Variants in SNTG1 observed in about 807,000 individuals in gnomAD.
SNTG1 encodes the protein syntrophin gamma 1.
A neutral mutation model predicts 74.7 loss-of-function variants in SNTG1; 39 were observed. That is an observed-to-expected ratio of 0.52 (90% CI 0.40 to 0.68). SNTG1 has a LOEUF of 0.68. SNTG1 is among the 30% of genes least tolerant of loss of function. The pLI, the probability that SNTG1 is intolerant of heterozygous loss-of-function variation, is 0.00. For synonymous variants in SNTG1, 254 were observed against 217.1 expected (o/e 1.17, Z -1.49); for missense variants, 685 against 609.5 (o/e 1.12, Z -1.30).
intron 2 of SNTG1, among the ~76,000 whole-genome samples, chr8:50,378,296 A>C (rs2131206521): frequency 6.6e-6 from 1 of 152,304 alleles, no homozygotes; most frequent in Non-Finnish European, 1.5e-5. Context: ...GGCACCCAGA[A>C]GTTTGGAGAT....
At chr8:50,416,488 A>G (rs2093015424) in intron 4 of SNTG1, among the ~76,000 whole-genome samples, 1 of 152,146 alleles carries the variant, frequency 6.6e-6, no homozygotes, top group African/African-American at 2.4e-5. Context: ...TGTATTAAAC[A>G]ATAGTGGTGA....
rs150111785 is a variant in SNTG1 at position 50,612,154 on chromosome 8, C to A, written c.849+21237C>A. Among the ~76,000 whole-genome samples, 5 of 152,228 alleles carry A rather than the reference C, an allele frequency of 3.3e-5. 1 individual carries two copies. Among genetic ancestry groups the A allele is most frequent in the Non-Finnish European group, 7.4e-5 (5 of 68,014 alleles). On this transcript the variant is annotated intron_variant, in intron 13 of 18. Transcript: ENST00000642720. ...AACTTTACAGCAAATAAAATTAATG[C>A]CTAATATTGTATTTTGTAATCACCT...
At chr8:50,557,110 G>A (rs2094460221) in intron 12 of SNTG1, among the ~76,000 whole-genome samples, 1 of 151,908 alleles carries the variant, frequency 6.6e-6, no homozygotes, top group South Asian at 2.1e-4. Flanking sequence ...AAGTGGGGGT[G>A]GGCAAGGAGG....
At chr8:50,739,097 G>A (rs571244165) in intron 17 of SNTG1, among the ~76,000 whole-genome samples, 233 of 151,934 alleles carry the variant, frequency 1.5e-3, no homozygotes, top group African/African-American at 4.4e-3. Flanking sequence ...TCTGCACAGC[G>A]AAAGAGACTA....
At chr8:50,071,221 C>G (rs905567907) in intron 1 of SNTG1, among the ~76,000 whole-genome samples, 6 of 152,108 alleles carry the variant, frequency 3.9e-5, no homozygotes, top group African/African-American at 1.2e-4. Flanking sequence ...GTTTTTGAGA[C>G]AGAGTCTTGC....
upstream of SNTG1, chr8:49,910,925 C>G (rs1188259458): frequency 6.6e-6 from 1 of 152,324 alleles, no homozygotes; most frequent in Non-Finnish European, 1.5e-5. Flanking sequence ...CTAGCACTGC[C>G]CTGGGCCTCC....
intron 13 of SNTG1, among the ~76,000 whole-genome samples, chr8:50,612,945 A>T (rs1484218518): frequency 6.6e-6 from 1 of 152,190 alleles, no homozygotes; most frequent in East Asian, 1.9e-4. Context: ...TGGTTAAAGA[A>T]ATCGGTAATA....
intron 12 of SNTG1, among the ~76,000 whole-genome samples, chr8:50,558,149 G>A (rs529968102): frequency 6.6e-6 from 1 of 152,258 alleles, no homozygotes; most frequent in South Asian, 2.1e-4. Context: ...GATCCCTCAT[G>A]CCACAAAAAC....
chr8:50,121,337 A>G (rs2080992273), intron 1 of SNTG1, among the ~76,000 whole-genome samples: 1 of 142,106 alleles, frequency 7.0e-6, no homozygotes, highest in Admixed American at 7.2e-5. Flanking sequence ...ATGGGCTCAA[A>G]GGCCTCTTGG....
At chr8:50,007,904 T>C (rs1197883604) in intron 1 of SNTG1, among the ~76,000 whole-genome samples, 1 of 152,064 alleles carries the variant, frequency 6.6e-6, no homozygotes, top group Middle Eastern at 3.2e-3. Context: ...AAAGGAGAAG[T>C]AAGCACCTAC....
At chr8:50,178,206 A>G (rs1209720575) in intron 2 of SNTG1, among the ~76,000 whole-genome samples, 5 of 152,238 alleles carry the variant, frequency 3.3e-5, no homozygotes, top group Admixed American at 3.3e-4. Context: ...TAACTGCTGC[A>G]TCAAGTGGTA....
At chr8:50,617,635 C>T (rs558883698) in intron 13 of SNTG1, among the ~76,000 whole-genome samples, 127 of 152,298 alleles carry the variant, frequency 8.3e-4, no homozygotes, top group African/African-American at 2.5e-3. Context: ...GTCTCAAGAG[C>T]CGAGCTCCCC....
chr8:50,426,307 C>T (rs971358283), intron 4 of SNTG1, among the ~76,000 whole-genome samples: 1 of 152,030 alleles, frequency 6.6e-6, no homozygotes, highest in Non-Finnish European at 1.5e-5. Context: ...GATATTTGGT[C>T]AATGAAGGGC....
intron 9 of SNTG1, among the ~76,000 whole-genome samples, chr8:50,516,808 C>G (rs960367536): frequency 2.0e-5 from 3 of 152,030 alleles, no homozygotes; most frequent in Non-Finnish European, 2.9e-5. Context: ...AAAGACCAAA[C>G]CTACATTTGA....
At chr8:49,970,646 GAGA>G (rs1270954363) in intron 1 of SNTG1, among the ~76,000 whole-genome samples, 1 of 152,162 alleles carries the variant, frequency 6.6e-6, no homozygotes, top group Non-Finnish European at 1.5e-5. Flanking sequence ...TAGAGGGTCA[GAGA>G]AGGTTATAAC....
intron 1 of SNTG1, among the ~76,000 whole-genome samples, chr8:50,046,348 C>T (rs760948002): frequency 6.6e-6 from 1 of 152,132 alleles, no homozygotes; most frequent in African/African-American, 2.4e-5. Flanking sequence ...TCTATTTTCT[C>T]ATTCTCATCC....
At chr8:50,297,361 A>G (rs2089433959) in intron 2 of SNTG1, among the ~76,000 whole-genome samples, 1 of 152,194 alleles carries the variant, frequency 6.6e-6, no homozygotes. Context: ...CATACTATTT[A>G]CAATTTCACA....
chr8:50,392,684 C>A (rs1469820790), intron 2 of SNTG1, among the ~76,000 whole-genome samples: 1 of 151,880 alleles, frequency 6.6e-6, no homozygotes, highest in Non-Finnish European at 1.5e-5. Context: ...CTTTTCTGAA[C>A]AAACAACTGA....
chr8:50,219,291 G>T (rs747061273), intron 2 of SNTG1, among the ~76,000 whole-genome samples: 1 of 152,148 alleles, frequency 6.6e-6, no homozygotes, highest in Non-Finnish European at 1.5e-5. Flanking sequence ...CTGACAGAAA[G>T]AAGGCCTAAA....
Sources: gnomAD v4.1 joint callset for allele counts (sites outside exome capture counted in the v4.1 genomes callset) on GRCh38, gnomAD v4.1.1 for gene constraint, MANE v1.5 for transcripts, NCBI Gene and HGNC (gene_info 2026-07-23, HGNC 2026-07-21) for gene names.